ZBBX: variants seen among roughly 807,000 people sequenced by gnomAD.
The protein encoded by ZBBX is zinc finger B-box domain containing, also known as zinc finger B-box domain-containing protein 1.
In ZBBX, 101 loss-of-function variants were observed where a neutral mutation model predicts 108.5. The ratio of observed to expected loss-of-function variants is 0.93; its 90% confidence interval spans 0.79 to 1.10. ZBBX has a LOEUF of 1.10. Ranked by LOEUF, ZBBX falls within the 50% of genes least tolerant of loss-of-function variation. The pLI is 0.00. For synonymous variants in ZBBX, 356 were observed against 323.4 expected, an observed-to-expected ratio of 1.10 and a Z score of -1.08; for missense variants, 1,009 against 941.4, an observed-to-expected ratio of 1.07 and a Z score of -0.94.
Position 167,333,976 on chromosome 3 carries a change from G to A in ZBBX, c.538C>T (p.Gln180Ter). 2 of 1,555,614 alleles carry A rather than the reference G, an allele frequency of 1.3e-6. No homozygotes were observed. The highest frequency in any genetic ancestry group is 1.4e-5 in the African/African-American group (1 of 72,602). Residue 180 changes from glutamine (Q) to a stop codon, truncating the protein, a stop_gained, in exon 10 of 22, where the codon CAA becomes TAA. Transcript: ENST00000675490. LOFTEE classifies it high-confidence loss of function. Reference sequence around the variant, plus strand: ...ACATCCAATACATTGAATAATATTTGAGATTTTGCCTATTAAAAAAGTAAC... The same window carrying A: ...ACATCCAATACATTGAATAATATTTAAGATTTTGCCTATTAAAAAAGTAAC... The part of the protein sequence containing the change: ...HRTTLLQAKS[Q>*]ILFNVLDVAH...
At chr3:167,399,197 G>T (rs1560217111) in intron 1 of ZBBX, among the ~76,000 whole-genome samples, 1 of 152,002 alleles carries the variant, frequency 6.6e-6, no homozygotes, top group African/African-American at 2.4e-5. Flanking sequence ...TAAATACTTT[G>T]TAGCAATAAA....
chr3:167,342,780 T>C (rs1314167248), intron 9 of ZBBX, among the ~76,000 whole-genome samples: 2 of 150,070 alleles, frequency 1.3e-5, no homozygotes, highest in African/African-American at 2.5e-5. Context: ...TTCTGGTCCA[T>C]GGTAAGTGTT....
intron 18 of ZBBX, among the ~76,000 whole-genome samples, chr3:167,296,504 G>A (rs912419778): frequency 3.3e-5 from 5 of 151,932 alleles, no homozygotes; most frequent in African/African-American, 9.7e-5. Flanking sequence ...ACAAAAATAT[G>A]TTAGAATAAA....
the ZBBX span, among the ~76,000 whole-genome samples, chr3:167,227,562 G>A: frequency 6.6e-6 from 1 of 151,438 alleles, no homozygotes; most frequent in Non-Finnish European, 1.5e-5. Context: ...CTAACCTTTA[G>A]TTTCATAAAA....
the ZBBX span, among the ~76,000 whole-genome samples, chr3:167,219,889 A>C: frequency 0.32 from 48,520 of 151,784 alleles, 8,183 homozygotes; most frequent in East Asian, 0.65. Context: ...AGACCCAAAT[A>C]AATGAAATCA....
the ZBBX span, among the ~76,000 whole-genome samples, chr3:167,224,682 C>A: frequency 6.6e-6 from 1 of 151,832 alleles, no homozygotes; most frequent in Non-Finnish European, 1.5e-5. Flanking sequence ...AGTTTTAACT[C>A]TGGCAAAAGT....
chr3:167,311,342 T>G (rs1049258361), intron 16 of ZBBX, among the ~76,000 whole-genome samples: 1 of 152,136 alleles, frequency 6.6e-6, no homozygotes, highest in African/African-American at 2.4e-5. Context: ...AATGCAAAGC[T>G]ATGAATCTCT....
chr3:167,314,192 T>C lies in ZBBX; in HGVS notation c.1275-76A>G. 7 of 1,286,888 alleles carry C rather than the reference T, an allele frequency of 5.4e-6. No individual in the cohort carries two copies. The South Asian group carries it at 1.0e-4, about 19-fold the overall frequency. The allele number at this position is 1,286,888 out of a possible 1,614,324, so 79.7% of individuals were successfully genotyped here. A position where few individuals can be genotyped will look rare whatever the true frequency, so the allele number is the denominator to read the frequency against. ...AAAAGAAAATTTTAAAAGTCCCAAG[T>C]CATTAAAACAAATATAGTAAAACTT... On this transcript the variant is annotated intron_variant, in intron 15 of 21. Transcript: ENST00000675490.
chr3:167,222,162 A>C, the ZBBX span, among the ~76,000 whole-genome samples: 1 of 151,876 alleles, frequency 6.6e-6, no homozygotes, highest in African/African-American at 2.4e-5. Context: ...CTAAGTGTCC[A>C]TCAACAGATG....
chr3:167,195,303 T>C, the ZBBX span, among the ~76,000 whole-genome samples: 1 of 152,202 alleles, frequency 6.6e-6, no homozygotes, highest in South Asian at 2.1e-4. Context: ...TATCACTAAC[T>C]CAGCTTAACC....
chr3:167,305,984 A>G, intron 16 of ZBBX, 34 bp from the exon 17 acceptor site: 1 of 1,417,788 alleles, frequency 7.1e-7, no homozygotes, highest in Non-Finnish European at 9.3e-7. Flanking sequence ...AAGGTACATA[A>G]ATAAATTTAA....
intron 12 of ZBBX, among the ~76,000 whole-genome samples, chr3:167,317,933 T>C (rs768881928): frequency 1.3e-5 from 2 of 152,022 alleles, no homozygotes; most frequent in South Asian, 2.1e-4. Flanking sequence ...AAAAAGCTAA[T>C]TTATGAATGT....
At chr3:167,255,888 C>G (rs971057239) in intron 20 of ZBBX, among the ~76,000 whole-genome samples, 10 of 151,938 alleles carry the variant, frequency 6.6e-5, no homozygotes, top group African/African-American at 2.2e-4. Flanking sequence ...CTATCTGACA[C>G]TAAGTCTTAT....
Position 167,317,231 on chromosome 3 carries a change from G to C in ZBBX, c.1094-126C>G, listed in dbSNP as rs1001247284. On this transcript the variant is annotated intron_variant, in intron 13 of 21. Coordinates refer to ENST00000675490, the MANE Select transcript of ZBBX (RefSeq NM_001199201.2). ...GTATCTACACAAAAATACAAATACT[G>C]TCAATTTTCCCAGTTCAAGTGAAAT... 6.0e-6 allele frequency: 4 copies of C among 666,608 alleles called. No homozygotes were observed. The African/African-American group carries it at 7.5e-5, about 13-fold the overall frequency. The allele number at this position is 666,608 out of a possible 1,614,324, so 41.3% of individuals were successfully genotyped here.
At chr3:167,406,092 A>G (rs907480583) in intron 1 of ZBBX, among the ~76,000 whole-genome samples, 2 of 152,128 alleles carry the variant, frequency 1.3e-5, no homozygotes, top group African/African-American at 4.8e-5. Flanking sequence ...TTCTTCCCAA[A>G]TAGATTATTG....
In ZBBX at chr3:167,375,694, A is replaced by AT. The variant is rs540983863; in HGVS notation, c.-131-1908dup. ...AAATGATTGTGCAATAGGAGCAACT[A>AT]TTTTTTTTTCACTCAAACCTACCTC... On this transcript the variant is annotated intron_variant, in intron 2 of 21. Transcript: ENST00000675490. Among the ~76,000 whole-genome samples the AT allele has an allele frequency of 8.4e-3, 1,265 of 151,096 alleles. 18 individuals are homozygous for AT. Among genetic ancestry groups the AT allele is most frequent in the African/African-American group, 0.029 (1,198 of 41,228 alleles).
chr3:167,318,756 A>C (rs1020272984), intron 12 of ZBBX, among the ~76,000 whole-genome samples: 1 of 151,950 alleles, frequency 6.6e-6, no homozygotes, highest in Non-Finnish European at 1.5e-5. Context: ...CCAATGCATA[A>C]AGTCATATGG....
chr3:167,298,352 G>A lies in ZBBX; in HGVS notation c.1832C>T (p.Ser611Phe). The A allele has an allele frequency of 6.3e-7, 1 of 1,599,974 alleles. No individual in the cohort carries two copies. The highest frequency in any genetic ancestry group is 8.5e-7 in the Non-Finnish European group (1 of 1,173,740). Residue 611 changes from serine (S) to phenylalanine (F), a missense_variant, in exon 18 of 22, where the codon TCT (serine) becomes TTT (phenylalanine). By Grantham distance (155) the Ser-to-Phe change is radical. Transcript: ENST00000675490. ...DTNERLNLLP[S>F]HRLECNNSST... ...GGAATTGTTGCATTCTAAACGATGA[G>A]AAGGAAGTAAGTTGAGTCTTTCATT...
chr3:167,290,278 G>T (rs1730450693), intron 18 of ZBBX, among the ~76,000 whole-genome samples: 1 of 152,180 alleles, frequency 6.6e-6, no homozygotes, highest in Non-Finnish European at 1.5e-5. Flanking sequence ...CCCAGCAGAG[G>T]CCGACAGACA....
Sources: allele counts gnomAD v4.1 joint callset (sites outside exome capture counted in the v4.1 genomes callset), GRCh38; gene constraint gnomAD v4.1.1; transcripts MANE v1.5; gene names NCBI Gene and HGNC (gene_info 2026-07-23, HGNC 2026-07-21).